WWOX: variants seen among roughly 807,000 people sequenced by gnomAD.
WWOX encodes the protein WW domain containing oxidoreductase.
Under a neutral mutation model 46.2 loss-of-function variants are expected in WWOX, and 69 were observed. The ratio of observed to expected loss-of-function variants is 1.49; its 90% CI spans 1.23 to 1.82. WWOX has a LOEUF of 1.82. Ranked by LOEUF, WWOX falls within the 40% of genes most tolerant of loss-of-function variation. The probability of loss-of-function intolerance (pLI) is 0.00; values close to 1 mark genes in which losing one functional copy is unlikely to be tolerated. For synonymous variants in WWOX, 359 were observed against 202.6 expected, an observed-to-expected ratio of 1.77 and a Z score of -6.56; for missense variants, 919 against 542.6, an observed-to-expected ratio of 1.69 and a Z score of -6.89.
intron 8 of WWOX, among the ~76,000 whole-genome samples, chr16:78,706,463 G>T (rs944779244): frequency 6.6e-6 from 1 of 152,062 alleles, no homozygotes; most frequent in African/African-American, 2.4e-5. Context: ...CTCCATCTCT[G>T]TTGCTTTCCT....
At chr16:79,096,501 C>T (rs1567547629) in intron 8 of WWOX, among the ~76,000 whole-genome samples, 2 of 152,166 alleles carry the variant, frequency 1.3e-5, no homozygotes, top group African/African-American at 2.4e-5. Flanking sequence ...GAGTGCCCTT[C>T]AACAGCTACA....
intron 8 of WWOX, among the ~76,000 whole-genome samples, chr16:78,919,770 C>T (rs918332377): frequency 6.6e-6 from 1 of 152,134 alleles, no homozygotes; most frequent in Non-Finnish European, 1.5e-5. Flanking sequence ...TCGCCTTGGC[C>T]TCCCAGAGTG....
chr16:78,410,065 C>T (rs970723955), intron 6 of WWOX, among the ~76,000 whole-genome samples: 1 of 152,156 alleles, frequency 6.6e-6, no homozygotes. Context: ...GACTTACGGC[C>T]ATCCCTTTGG....
chr16:79,103,883 C>A lies in WWOX; in HGVS notation c.1057-107725C>A, dbSNP rs116365706. Among the ~76,000 whole-genome samples the A allele has an allele frequency of 7.7e-3, 1,169 of 152,162 alleles. 12 individuals are homozygous for A. The highest frequency in any genetic ancestry group is 0.026 in the African/African-American group (1,089 of 41,526). The stretch of plus-strand genomic sequence containing the variant: ...CTGTAGATACACTCTGTAGGACAAA[C>A]CAGGTGGCTCTGTCCTTCAGGCAAA... On this transcript the variant is annotated intron_variant, in intron 8 of 8. Coordinates refer to ENST00000566780, the MANE Select transcript of WWOX (RefSeq NM_016373.4).
At chr16:78,563,844 G>C (rs886626428) in intron 8 of WWOX, among the ~76,000 whole-genome samples, 4 of 152,136 alleles carry the variant, frequency 2.6e-5, no homozygotes, top group Non-Finnish European at 5.9e-5. Flanking sequence ...TGAAATTGTA[G>C]ATCTCGCCCT....
At chr16:78,377,265 A>C (rs989349160) in intron 5 of WWOX, among the ~76,000 whole-genome samples, 1 of 152,244 alleles carries the variant, frequency 6.6e-6, no homozygotes, top group African/African-American at 2.4e-5. Flanking sequence ...GGGCATGTTT[A>C]TTAAGAGTCT....
chr16:78,787,030 C>G (rs1266053872), intron 8 of WWOX, among the ~76,000 whole-genome samples: 1 of 152,122 alleles, frequency 6.6e-6, no homozygotes, highest in Non-Finnish European at 1.5e-5. Context: ...TGCCTGTAAT[C>G]CCAGGTATTC....
At chr16:78,786,870 G>C (rs1223636669) in intron 8 of WWOX, among the ~76,000 whole-genome samples, 1 of 152,140 alleles carries the variant, frequency 6.6e-6, no homozygotes, top group Non-Finnish European at 1.5e-5. Context: ...CTTTGGGGCT[G>C]GGCGTGGTGA....
chr16:78,114,869 G>C (rs1400875813), intron 3 of WWOX, 107 bp from the exon 4 acceptor site: 1 of 1,410,726 alleles, frequency 7.1e-7, no homozygotes. Flanking sequence ...TAAGGAATAA[G>C]CATTTTGGTC....
chr16:79,057,993 G>A (rs978953808), intron 8 of WWOX, among the ~76,000 whole-genome samples: 8 of 151,868 alleles, frequency 5.3e-5, no homozygotes, highest in Non-Finnish European at 1.0e-4. Context: ...TCAAGCTCAC[G>A]ATGCTATTCT....
intron 4 of WWOX, among the ~76,000 whole-genome samples, chr16:78,120,435 T>A (rs1261338223): frequency 1.3e-5 from 2 of 152,002 alleles, no homozygotes; most frequent in Admixed American, 6.5e-5. Flanking sequence ...CCAGGCGCAG[T>A]GGCGGGCGCC....
intron 8 of WWOX, among the ~76,000 whole-genome samples, chr16:78,730,617 ATTTTTT>A (rs536906826): frequency 5.7e-5 from 7 of 123,054 alleles, no homozygotes; most frequent in African/African-American, 1.5e-4. Flanking sequence ...ACGCCCGGCA[ATTTTTT>A]TTTTTTTTTT....
At chr16:78,820,661 C>A (rs1448001440) in intron 8 of WWOX, among the ~76,000 whole-genome samples, 1 of 152,136 alleles carries the variant, frequency 6.6e-6, no homozygotes, top group Non-Finnish European at 1.5e-5. Context: ...CATTTTAATA[C>A]CAACCATGCC....
chr16:78,531,359 C>G (rs1486497058), intron 8 of WWOX, among the ~76,000 whole-genome samples: 1 of 151,994 alleles, frequency 6.6e-6, no homozygotes, highest in East Asian at 1.9e-4. Flanking sequence ...AGCCCTTTTC[C>G]TTAGGTTAGA....
intron 5 of WWOX, among the ~76,000 whole-genome samples, chr16:78,252,866 C>T (rs957447822): frequency 6.6e-6 from 1 of 152,186 alleles, no homozygotes; most frequent in Non-Finnish European, 1.5e-5. Flanking sequence ...GCATGCATTA[C>T]AAATGGCAAT....
intron 8 of WWOX, among the ~76,000 whole-genome samples, chr16:78,869,807 G>C (rs1567615522): frequency 6.6e-6 from 1 of 152,232 alleles, no homozygotes; most frequent in East Asian, 1.9e-4. Flanking sequence ...GCAGAGAGAA[G>C]ACTCAGCATT....
intron 8 of WWOX, among the ~76,000 whole-genome samples, chr16:78,686,484 C>G (rs1371849075): frequency 6.7e-6 from 1 of 149,916 alleles, no homozygotes; most frequent in Admixed American, 6.7e-5. Context: ...GTACTCCAGC[C>G]TGGGGGACAG....
At chr16:78,334,608 G>C (rs1441286490) in intron 5 of WWOX, among the ~76,000 whole-genome samples, 1 of 151,998 alleles carries the variant, frequency 6.6e-6, no homozygotes, top group East Asian at 1.9e-4. Context: ...AGAACATAGA[G>C]TTGTGTATTG....
intron 8 of WWOX, among the ~76,000 whole-genome samples, chr16:78,509,426 G>A (rs1265540777): frequency 1.5e-5 from 2 of 134,184 alleles, no homozygotes; most frequent in East Asian, 2.1e-4. Context: ...GTGACAGAGC[G>A]AGACTCAGTC....
Sources: gnomAD v4.1 joint callset for allele counts (sites outside exome capture counted in the v4.1 genomes callset) on GRCh38, gnomAD v4.1.1 for gene constraint, MANE v1.5 for transcripts, NCBI Gene and HGNC (gene_info 2026-07-23, HGNC 2026-07-21) for gene names.